Variants in CHSY3 observed in about 807,000 individuals in gnomAD.
CHSY3 encodes chondroitin sulfate synthase 3, also known as N-acetylgalactosaminyl-proteoglycan 3-beta-glucuronosyltransferase 3.
CHSY3 carries 35 observed loss-of-function variants against 67.2 expected under a neutral mutation model. The observed-to-expected ratio is 0.52, with a 90% CI of 0.40 to 0.69. The LOEUF (loss-of-function observed/expected upper bound fraction) is 0.69, where lower values mean the gene tolerates loss of function less well. CHSY3 is among the 30% of genes least tolerant of loss of function. The probability of loss-of-function intolerance (pLI) is 0.00; values close to 1 mark genes in which losing one functional copy is unlikely to be tolerated. For missense variants in CHSY3, 1,069 were observed against 1,138.5 expected, an observed-to-expected ratio of 0.94 and a Z score of 0.88; for synonymous variants, 474 against 434.7, an observed-to-expected ratio of 1.09 and a Z score of -1.12.
At chr5:130,115,751 C>T (rs145120732) in intron 2 of CHSY3, among the ~76,000 whole-genome samples, 1,810 of 152,260 alleles carry the variant, frequency 0.012, 40 homozygotes, top group African/African-American at 0.041. Context: ...AAAAACAAAG[C>T]GCATGTAATC....
At chr5:130,115,914 G>A (rs1332801712) in intron 2 of CHSY3, among the ~76,000 whole-genome samples, 1 of 152,150 alleles carries the variant, frequency 6.6e-6, no homozygotes, top group Non-Finnish European at 1.5e-5. Flanking sequence ...GAGTCTGACT[G>A]AGCTCACGTC....
chr5:130,086,516 G>A (rs1766635093), intron 2 of CHSY3, among the ~76,000 whole-genome samples: 1 of 151,974 alleles, frequency 6.6e-6, no homozygotes, highest in Non-Finnish European at 1.5e-5. Context: ...CTGCACGTGA[G>A]ATGGGTTTCT....
chr5:130,123,694 G>C (rs185592207), intron 2 of CHSY3, among the ~76,000 whole-genome samples: 7 of 152,200 alleles, frequency 4.6e-5, no homozygotes, highest in Admixed American at 6.5e-5. Context: ...CACACACACA[G>C]AGACACAATC....
chr5:130,181,808 T>C (rs2149737595), intron 2 of CHSY3, among the ~76,000 whole-genome samples: 1 of 152,306 alleles, frequency 6.6e-6, no homozygotes, highest in South Asian at 2.1e-4. Flanking sequence ...ATGGCTTCTT[T>C]CATTTTTTGT....
intron 2 of CHSY3, among the ~76,000 whole-genome samples, chr5:130,085,108 T>C (rs951425302): frequency 1.4e-4 from 21 of 152,012 alleles, no homozygotes; most frequent in African/African-American, 4.8e-4. Flanking sequence ...CAGGTTAATA[T>C]TGGAATGCCC....
chr5:130,025,048 T>C (rs949578718), intron 2 of CHSY3, among the ~76,000 whole-genome samples: 1 of 152,130 alleles, frequency 6.6e-6, no homozygotes, highest in African/African-American at 2.4e-5. Context: ...AATAGAAAGT[T>C]CTTCCCTTGA....
intron 2 of CHSY3, among the ~76,000 whole-genome samples, chr5:130,020,688 G>A (rs754918483): frequency 7.2e-5 from 11 of 151,882 alleles, no homozygotes; most frequent in South Asian, 4.2e-4. Flanking sequence ...GAGGTTCTGG[G>A]AGTCTAGCCT....
At chr5:130,058,330 A>G (rs558399244) in intron 2 of CHSY3, among the ~76,000 whole-genome samples, 203 of 152,268 alleles carry the variant, frequency 1.3e-3, no homozygotes, top group African/African-American at 3.2e-3. Context: ...ATAAAATAAT[A>G]TAATAGAGAA....
intron 2 of CHSY3, chr5:130,001,489 T>C: frequency 1.0e-6 from 1 of 955,614 alleles, no homozygotes; most frequent in African/African-American, 1.8e-5. Context: ...TGGCAGAGAC[T>C]GGTACCAAGA....
chr5:130,142,390 A>T (rs1489317137), intron 2 of CHSY3, among the ~76,000 whole-genome samples: 1 of 152,208 alleles, frequency 6.6e-6, no homozygotes. Context: ...TATTCTCCAA[A>T]GTAAGAGTCG....
intron 2 of CHSY3, among the ~76,000 whole-genome samples, chr5:130,005,252 T>C (rs1431371953): frequency 6.6e-6 from 1 of 151,752 alleles, no homozygotes; most frequent in African/African-American, 2.4e-5. Flanking sequence ...CCGTCTCTAG[T>C]AAAAATACAA....
intron 2 of CHSY3, among the ~76,000 whole-genome samples, chr5:130,073,877 G>A (rs1766169428): frequency 6.6e-6 from 1 of 152,082 alleles, no homozygotes; most frequent in Non-Finnish European, 1.5e-5. Flanking sequence ...ACAGACTTGA[G>A]AGGTGAGATA....
At chr5:130,096,130 T>C in intron 2 of CHSY3, among the ~76,000 whole-genome samples, 1 of 152,114 alleles carries the variant, frequency 6.6e-6, no homozygotes, top group East Asian at 1.9e-4. Flanking sequence ...AATTGGATCC[T>C]GGAACAAAAA....
intron 2 of CHSY3, among the ~76,000 whole-genome samples, chr5:130,090,487 T>A (rs1766843330): frequency 6.6e-6 from 1 of 152,100 alleles, no homozygotes; most frequent in Non-Finnish European, 1.5e-5. Flanking sequence ...ACAAGGCTGG[T>A]GCCCTTTTTC....
At chr5:129,933,810 ATAATTC>A (rs1288192005) in intron 2 of CHSY3, among the ~76,000 whole-genome samples, 4 of 152,264 alleles carry the variant, frequency 2.6e-5, no homozygotes, top group South Asian at 2.1e-4. Flanking sequence ...ATTATTTCAT[ATAATTC>A]TAATTCTAAT....
At chr5:130,149,724 C>T (rs1769178890) in intron 2 of CHSY3, among the ~76,000 whole-genome samples, 1 of 152,158 alleles carries the variant, frequency 6.6e-6, no homozygotes, top group Non-Finnish European at 1.5e-5. Context: ...GCATTAATGA[C>T]TAAAATTCTG....
intron 2 of CHSY3, among the ~76,000 whole-genome samples, chr5:130,101,235 A>T (rs899242437): frequency 6.6e-6 from 1 of 152,168 alleles, no homozygotes; most frequent in African/African-American, 2.4e-5. Context: ...TTAATTTAAC[A>T]TTGTCAAAGA....
At chr5:130,025,470 G>A (rs1764514103) in intron 2 of CHSY3, among the ~76,000 whole-genome samples, 1 of 152,116 alleles carries the variant, frequency 6.6e-6, no homozygotes, top group Non-Finnish European at 1.5e-5. Flanking sequence ...CAAAATAGAT[G>A]TGCCCTATAA....
At chr5:130,105,274 T>C (rs1361766253) in intron 2 of CHSY3, among the ~76,000 whole-genome samples, 1 of 151,692 alleles carries the variant, frequency 6.6e-6, no homozygotes, top group African/African-American at 2.4e-5. Context: ...TATTGTTTGA[T>C]TTTCAATATC....
Sources: gnomAD v4.1 joint callset for allele counts (sites outside exome capture counted in the v4.1 genomes callset) on GRCh38, gnomAD v4.1.1 for gene constraint, MANE v1.5 for transcripts, NCBI Gene and HGNC (gene_info 2026-07-23, HGNC 2026-07-21) for gene names.